The following ATP10D variants were observed in gnomAD, a reference collection of about 807,000 sequenced individuals.
ATP10D encodes the protein ATPase phospholipid transporting 10D (putative).
A neutral mutation model predicts 144.8 loss-of-function variants in ATP10D; 89 were observed. The observed-to-expected ratio is 0.61, with a 90% confidence interval of 0.52 to 0.73. The LOEUF (loss-of-function observed/expected upper bound fraction) is 0.73. Among genes scored for constraint, ATP10D ranks in the 30% least tolerant of loss-of-function variants. ATP10D has a pLI of 0.00. For synonymous variants in ATP10D, 571 were observed against 615.1 expected, an observed-to-expected ratio of 0.93 and a Z score of 1.06; for missense variants, 1,603 against 1,714.8, an observed-to-expected ratio of 0.93 and a Z score of 1.15.
At position 47,513,010 on chromosome 4, in the gene ATP10D, T is replaced by C. The variant is rs1383269671; in HGVS notation, c.290+180T>C. Among the ~76,000 whole-genome samples, 7 of 152,182 alleles carry C rather than the reference T, an allele frequency of 4.6e-5. No homozygotes were observed. In the East Asian group the frequency reaches 5.8e-4, roughly 13 times the overall value. On this transcript the variant is annotated intron_variant, in intron 2 of 22. Coordinates refer to ENST00000273859, the MANE Select transcript of ATP10D (RefSeq NM_020453.4). ...CTCCCATTCACGTAGCACTTTCCAA[T>C]TGGAAAGGTGTTTTCTCTTTACCAG... is the stretch of plus-strand genomic sequence containing the variant.
At chr4:47,521,637 A>C (rs563770153) in intron 3 of ATP10D, among the ~76,000 whole-genome samples, 1 of 152,202 alleles carries the variant, frequency 6.6e-6, no homozygotes, top group South Asian at 2.1e-4. Context: ...GTTACTCTCC[A>C]TTTCCTATGG....
At chr4:47,563,314 C>T (rs1487114867) in intron 14 of ATP10D, among the ~76,000 whole-genome samples, 3 of 152,112 alleles carry the variant, frequency 2.0e-5, no homozygotes, top group Non-Finnish European at 4.4e-5. Context: ...ACTCAAATCC[C>T]TTCAATTTAC....
At chr4:47,586,603 G>A (rs1475124101) in intron 21 of ATP10D, among the ~76,000 whole-genome samples, 1 of 152,182 alleles carries the variant, frequency 6.6e-6, no homozygotes, top group African/African-American at 2.4e-5. Context: ...GAGAATGACA[G>A]TATTCGTGAT....
rs369634632 is a variant in ATP10D at position 47,525,733 on chromosome 4, C to T, written c.776+91C>T. On this transcript the variant is annotated intron_variant, in intron 5 of 22. Coordinates refer to ENST00000273859, the MANE Select transcript of ATP10D (RefSeq NM_020453.4). ...TGATAAAGTGTTTCTGTGCTTATAC[C>T]CTTGTTAAATCACTAAAGGTCGTAA... The T allele has an allele frequency of 7.7e-4, 846 of 1,095,424 alleles. 15 individuals are homozygous for T. The South Asian group carries it at 0.011, about 14-fold the overall frequency. 67.9% of individuals were successfully genotyped at this position (1,095,424 alleles called of 1,614,324 possible).
In ATP10D at chr4:47,580,373, T is replaced by C. The variant is rs562964088; in HGVS notation, c.3568-25T>C. ...TTGGACCCTTGTTAATCTTACTACC[T>C]CCCCGTTATCTGCTTCATTTCTAGG... On this transcript the variant is annotated intron_variant, in intron 19 of 22. Coordinates refer to ENST00000273859, the MANE Select transcript of ATP10D (RefSeq NM_020453.4). The C allele has an allele frequency of 3.8e-4, 601 of 1,571,450 alleles. 1 individual carries two copies. Among genetic ancestry groups the C allele is most frequent in the Admixed American group, 5.2e-4 (31 of 59,946 alleles).
intron 1 of ATP10D, among the ~76,000 whole-genome samples, chr4:47,503,819 A>G (rs918682541): frequency 2.0e-4 from 30 of 152,164 alleles, no homozygotes; most frequent in Non-Finnish European, 3.8e-4. Context: ...GGATAGCTTG[A>G]GCCCAGAAAG....
At chr4:47,562,857 A>T (rs1719395947) in intron 14 of ATP10D, among the ~76,000 whole-genome samples, 1 of 152,136 alleles carries the variant, frequency 6.6e-6, no homozygotes, top group Non-Finnish European at 1.5e-5. Flanking sequence ...ACACACACAC[A>T]CATATATACA....
rs951055829 is a variant in ATP10D, at chr4:47,500,433, C to T, written c.-37-12071C>T. ...TAAATTAGGTTATACCAGGACTAGA[C>T]TGATAATGGTGGATCAGGTTGATTG... is the stretch of plus-strand genomic sequence containing the variant. On this transcript the variant is annotated intron_variant, in intron 1 of 22. Transcript: ENST00000273859. Among the ~76,000 whole-genome samples the T allele has an allele frequency of 2.0e-5, 3 of 152,144 alleles. 1 individual carries two copies. Among genetic ancestry groups the T allele is most frequent in the Admixed American group, 2.0e-4 (3 of 15,274 alleles).
intron 12 of ATP10D, 35 bp from the exon 13 acceptor site, chr4:47,558,888 T>C: frequency 6.7e-7 from 1 of 1,496,870 alleles, no homozygotes; most frequent in Non-Finnish European, 9.2e-7. Flanking sequence ...TTTGGCAGAC[T>C]GGTAGGAACT....
At chr4:47,500,220 G>A (rs1715612670) in intron 1 of ATP10D, among the ~76,000 whole-genome samples, 1 of 152,198 alleles carries the variant, frequency 6.6e-6, no homozygotes, top group African/African-American at 2.4e-5. Flanking sequence ...GCTGATGGAG[G>A]AGGGAGACAG....
intron 21 of ATP10D, among the ~76,000 whole-genome samples, chr4:47,585,080 C>G (rs1043888544): frequency 2.6e-5 from 4 of 152,136 alleles, no homozygotes; most frequent in African/African-American, 9.7e-5. Flanking sequence ...ACACTAAATA[C>G]TACATAATGT....
At chr4:47,510,694 T>G (rs1482140539) in intron 1 of ATP10D, among the ~76,000 whole-genome samples, 1 of 152,200 alleles carries the variant, frequency 6.6e-6, no homozygotes, top group Non-Finnish European at 1.5e-5. Flanking sequence ...CTGTATTTGT[T>G]TCATGTTTGT....
chr4:47,510,981 G>C (rs1716295869), intron 1 of ATP10D, among the ~76,000 whole-genome samples: 1 of 152,144 alleles, frequency 6.6e-6, no homozygotes. Context: ...TTTATGTTCA[G>C]TATTTTCTGT....
chr4:47,529,279 C>T (rs533889551), intron 5 of ATP10D, among the ~76,000 whole-genome samples: 34 of 152,248 alleles, frequency 2.2e-4, no homozygotes, highest in African/African-American at 7.9e-4. Flanking sequence ...TCAGGTCTTA[C>T]ATTTGAGTCT....
chr4:47,543,010 G>A (rs1180504322), intron 9 of ATP10D, among the ~76,000 whole-genome samples: 2 of 152,094 alleles, frequency 1.3e-5, no homozygotes, highest in Non-Finnish European at 2.9e-5. Flanking sequence ...TTGAAGTACA[G>A]TATTACCCCC....
At chr4:47,571,042 C>T (rs1719923545) in intron 16 of ATP10D, among the ~76,000 whole-genome samples, 3 of 151,922 alleles carry the variant, frequency 2.0e-5, no homozygotes, top group Non-Finnish European at 2.9e-5. Context: ...GCCACTAAAA[C>T]TCCTGGGTTT....
intron 18 of ATP10D, among the ~76,000 whole-genome samples, chr4:47,575,983 G>C (rs1013572232): frequency 1.5e-5 from 2 of 134,510 alleles, no homozygotes; most frequent in Non-Finnish European, 3.1e-5. Context: ...CCAGGCTGGA[G>C]TGCAGTGGCG....
chr4:47,527,508 G>A (rs12512121), intron 5 of ATP10D, among the ~76,000 whole-genome samples: 28,860 of 151,998 alleles, frequency 0.19, 3,309 homozygotes, highest in East Asian at 0.61. Context: ...GAAAAGACAA[G>A]TCACAGACAG....
intron 1 of ATP10D, among the ~76,000 whole-genome samples, chr4:47,505,842 A>G (rs780080670): frequency 4.6e-5 from 7 of 152,148 alleles, no homozygotes; most frequent in Non-Finnish European, 1.5e-5. Flanking sequence ...AAATGATTAT[A>G]GATTTTTTTT....
Sources: gnomAD v4.1 joint callset for allele counts (sites outside exome capture counted in the v4.1 genomes callset) on GRCh38, gnomAD v4.1.1 for gene constraint, MANE v1.5 for transcripts, NCBI Gene and HGNC (gene_info 2026-07-23, HGNC 2026-07-21) for gene names.